The following ZSWIM6 variants were observed in gnomAD, a reference collection of about 807,000 sequenced individuals.
ZSWIM6 encodes zinc finger SWIM-type containing 6.
In ZSWIM6, 9 loss-of-function variants were observed where a neutral mutation model predicts 113.2. That is an observed-to-expected ratio of 0.08 (90% CI 0.05 to 0.14). The LOEUF (loss-of-function observed/expected upper bound fraction) is 0.14, where lower values mean the gene tolerates loss of function less well. Ranked by LOEUF, ZSWIM6 falls within the 10% of genes least tolerant of loss-of-function variation. The probability of loss-of-function intolerance (pLI) is 1.00; values close to 1 mark genes in which losing one functional copy is unlikely to be tolerated. For missense variants in ZSWIM6, 1,162 were observed against 1,552.2 expected (o/e 0.75, Z 4.22); for synonymous variants, 611 against 606.5 (o/e 1.01, Z -0.11).
intron 1 of ZSWIM6, among the ~76,000 whole-genome samples, chr5:61,417,858 G>T (rs1746287496): frequency 6.6e-6 from 1 of 152,180 alleles, no homozygotes; most frequent in South Asian, 2.1e-4. Flanking sequence ...AGCAAACTGT[G>T]TGGTTTTTCT....
At chr5:61,498,289 G>A (rs1485737996) in intron 4 of ZSWIM6, among the ~76,000 whole-genome samples, 4 of 152,094 alleles carry the variant, frequency 2.6e-5, no homozygotes, top group Admixed American at 6.6e-5. Context: ...TGAGTCACGC[G>A]CTTTGCTTTC....
At chr5:61,455,861 TA>T (rs1453510356) in intron 1 of ZSWIM6, among the ~76,000 whole-genome samples, 1 of 123,538 alleles carries the variant, frequency 8.1e-6, no homozygotes, top group African/African-American at 3.0e-5. Flanking sequence ...TTAAGGAAGC[TA>T]GGGAAGTGTT....
intron 1 of ZSWIM6, among the ~76,000 whole-genome samples, chr5:61,410,934 A>G (rs553627560): frequency 6.6e-6 from 1 of 152,306 alleles, no homozygotes; most frequent in African/African-American, 2.4e-5. Context: ...TAGTTTTCCT[A>G]TAACAGGACT....
rs980767066 is a variant in ZSWIM6 at position 61,332,364 on chromosome 5, G to T, written c.92G>T (p.Gly31Val). The change falls in exon 1 of 14, where the codon GGC becomes GTC. Residue 31 changes from glycine (G) to valine (V), a missense_variant. By Grantham distance (109) the Gly-to-Val change is moderately radical. This residue lies in a region of ZSWIM6 where 333 missense variants were observed against 293.4 expected (regional missense o/e 1.13). Transcript: ENST00000252744. ...GGGGGGSSGG[G>V]GGAGGGYSSA... is the part of the protein sequence containing the mutation. ...GGCGGCGGGGGCAGCAGCGGCGGCG[G>T]CGGCGGCGCGGGTGGCGGCTACAGC... 3.8e-5 allele frequency: 37 copies of T among 983,840 alleles called. No homozygotes were observed. Among genetic ancestry groups the T allele is most frequent in the Non-Finnish European group, 4.5e-5 (37 of 821,952 alleles). 60.9% of individuals were successfully genotyped at this position (983,840 alleles called of 1,614,324 possible).
rs547885717 is a variant in ZSWIM6 at position 61,440,286 on chromosome 5, C to T, written c.677-32395C>T. Among the ~76,000 whole-genome samples, 26 of 148,450 alleles carry T rather than the reference C, an allele frequency of 1.8e-4. No homozygotes were observed. The South Asian group carries it at 5.1e-3, about 29-fold the overall frequency. The stretch of plus-strand genomic sequence containing the variant: ...TTGTTTGAAAAATTGACAACTCTGG[C>T]ATACGGCCCAGATCTCTTTTCAGAT... On this transcript the variant is annotated intron_variant, in intron 1 of 13. Transcript: ENST00000252744.
intron 1 of ZSWIM6, among the ~76,000 whole-genome samples, chr5:61,418,742 G>A (rs1441155493): frequency 6.6e-6 from 1 of 152,158 alleles, no homozygotes; most frequent in Non-Finnish European, 1.5e-5. Context: ...TTCAGTGCAG[G>A]GATAAAGTGT....
At chr5:61,338,658 A>G (rs1744458717) in intron 1 of ZSWIM6, among the ~76,000 whole-genome samples, 1 of 152,244 alleles carries the variant, frequency 6.6e-6, no homozygotes, top group South Asian at 2.1e-4. Flanking sequence ...AAAATCTAAA[A>G]TGTTCAAGAG....
chr5:61,410,309 CTTTT>C (rs532542169), intron 1 of ZSWIM6, among the ~76,000 whole-genome samples: 1 of 129,996 alleles, frequency 7.7e-6, no homozygotes, highest in Non-Finnish European at 1.7e-5. Flanking sequence ...GATGTATTTC[CTTTT>C]TTTTTTTTTT....
chr5:61,418,216 A>T (rs549729492), intron 1 of ZSWIM6, among the ~76,000 whole-genome samples: 1 of 152,336 alleles, frequency 6.6e-6, no homozygotes, highest in East Asian at 1.9e-4. Flanking sequence ...AAGGCTCAAT[A>T]ATTTTAACAC....
At chr5:61,377,118 T>C (rs1745388760) in intron 1 of ZSWIM6, among the ~76,000 whole-genome samples, 1 of 152,030 alleles carries the variant, frequency 6.6e-6, no homozygotes, top group African/African-American at 2.4e-5. Context: ...TGAAATAAAA[T>C]ATGAAGACAG....
intron 12 of ZSWIM6, among the ~76,000 whole-genome samples, chr5:61,541,381 C>T (rs149032350): frequency 2.0e-4 from 30 of 152,270 alleles, no homozygotes; most frequent in Middle Eastern, 3.4e-3. Flanking sequence ...CCCCCATAAA[C>T]CTGGAGTTAC....
At chr5:61,391,852 G>C in intron 1 of ZSWIM6, 1 of 709,816 alleles carries the variant, frequency 1.4e-6, no homozygotes, top group Non-Finnish European at 2.4e-6. Flanking sequence ...TCTGGGAGCG[G>C]AGAACCTTCT....
At chr5:61,452,786 A>G (rs781133597) in intron 1 of ZSWIM6, among the ~76,000 whole-genome samples, 18 of 152,190 alleles carry the variant, frequency 1.2e-4, no homozygotes, top group Admixed American at 2.0e-4. Context: ...CAGCATTTCC[A>G]CTAATATCCT....
At chr5:61,525,777 T>C (rs762631994) in intron 5 of ZSWIM6, 23 bp from the exon 6 acceptor site, 1 of 1,551,116 alleles carries the variant, frequency 6.4e-7, no homozygotes, top group South Asian at 1.2e-5. Context: ...CTGACACGGC[T>C]TTCTGAATTG....
chr5:61,337,503 A>C (rs1398443142), intron 1 of ZSWIM6, among the ~76,000 whole-genome samples: 1 of 152,204 alleles, frequency 6.6e-6, no homozygotes, highest in Non-Finnish European at 1.5e-5. Context: ...TGTTCTGTAT[A>C]GTGATGCTCA....
At chr5:61,495,938 C>G (rs755218100) in intron 4 of ZSWIM6, among the ~76,000 whole-genome samples, 12 of 152,030 alleles carry the variant, frequency 7.9e-5, no homozygotes, top group African/African-American at 2.7e-4. Context: ...GAATTACAAA[C>G]GACTGTTTAG....
intron 1 of ZSWIM6, among the ~76,000 whole-genome samples, chr5:61,412,296 A>T (rs1746163623): frequency 6.6e-6 from 1 of 152,196 alleles, no homozygotes; most frequent in African/African-American, 2.4e-5. Flanking sequence ...CATAATTTAG[A>T]TCTGGCATCG....
intron 1 of ZSWIM6, among the ~76,000 whole-genome samples, chr5:61,333,185 C>G (rs1285974122): frequency 6.6e-6 from 1 of 151,960 alleles, no homozygotes; most frequent in Non-Finnish European, 1.5e-5. Flanking sequence ...GCAGGACGCG[C>G]CCCTCCGTGG....
chr5:61,392,898 C>T (rs1745752881), intron 1 of ZSWIM6, among the ~76,000 whole-genome samples: 1 of 152,112 alleles, frequency 6.6e-6, no homozygotes, highest in African/African-American at 2.4e-5. Context: ...AGGTGTGAGC[C>T]ACCGCGCCTG....
Sources: allele counts gnomAD v4.1 joint callset (sites outside exome capture counted in the v4.1 genomes callset), GRCh38; gene constraint gnomAD v4.1.1; regional missense constraint gnomAD v4.1.1; transcripts MANE v1.5; gene names NCBI Gene and HGNC (gene_info 2026-07-23, HGNC 2026-07-21).